SNX30: variants seen among roughly 807,000 people sequenced by gnomAD.
SNX30 encodes sorting nexin-30.
In SNX30, 24 loss-of-function variants were observed where a neutral mutation model predicts 46.4. The observed-to-expected ratio is 0.52, with a 90% CI of 0.37 to 0.73. The LOEUF (loss-of-function observed/expected upper bound fraction) is 0.73, where lower values mean the gene tolerates loss of function less well. SNX30 is among the 30% of genes least tolerant of loss of function. The probability of loss-of-function intolerance (pLI) is 0.00; values close to 1 mark genes in which losing one functional copy is unlikely to be tolerated. For synonymous variants in SNX30, 189 were observed against 211.5 expected, an observed-to-expected ratio of 0.89 and a Z score of 0.92; for missense variants, 533 against 555.7, an observed-to-expected ratio of 0.96 and a Z score of 0.41.
Position 112,868,991 on chromosome 9 carries a change from C to A in SNX30, c.*148C>A, listed in dbSNP as rs1841404126. On this transcript the variant is annotated 3_prime_UTR_variant, in exon 9 of 9. Transcript: ENST00000374232. The stretch of plus-strand genomic sequence containing the variant: ...GTATTTTTCCCTCCCCCACCTTTCA[C>A]CCCACAGTGGTTTTCAATTAGTATT... The A allele has an allele frequency of 2.7e-6, 2 of 753,796 alleles. No individual in the cohort carries two copies. The highest frequency in any genetic ancestry group is 2.2e-5 in the Admixed American group (1 of 46,188). 46.7% of individuals were successfully genotyped at this position (753,796 alleles called of 1,614,324 possible). A position where few individuals can be genotyped will look rare whatever the true frequency, so the allele number is the denominator to read the frequency against.
chr9:112,823,189 G>A (rs2131431841), intron 3 of SNX30, among the ~76,000 whole-genome samples: 2 of 152,296 alleles, frequency 1.3e-5, no homozygotes, highest in Middle Eastern at 6.8e-3. Context: ...TTATAGGTGT[G>A]TATATATAGG....
intron 1 of SNX30, among the ~76,000 whole-genome samples, chr9:112,793,796 T>G (rs1162267469): frequency 7.4e-6 from 1 of 135,612 alleles, no homozygotes; most frequent in Non-Finnish European, 1.6e-5. Context: ...TTACCTCCAC[T>G]GTTTTTTGTT....
chr9:112,812,079 A>G (rs1316493851), intron 2 of SNX30, among the ~76,000 whole-genome samples: 1 of 152,106 alleles, frequency 6.6e-6, no homozygotes, highest in Non-Finnish European at 1.5e-5. Context: ...GTGTTTTGCT[A>G]GCCTCATTCC....
intron 1 of SNX30, among the ~76,000 whole-genome samples, chr9:112,793,567 G>A (rs140122380): frequency 3.7e-4 from 56 of 152,220 alleles, no homozygotes; most frequent in African/African-American, 1.2e-3. Flanking sequence ...TCAAATTAGC[G>A]TGCGTGTAAA....
At chr9:112,832,481 T>TGA (rs1297626093) in intron 4 of SNX30, among the ~76,000 whole-genome samples, 12 of 128,588 alleles carry the variant, frequency 9.3e-5, no homozygotes, top group African/African-American at 1.4e-4. Context: ...TGTGTGTGTG[T>TGA]GTGTGTGTGT....
At chr9:112,824,960 A>G (rs367826607) in intron 3 of SNX30, among the ~76,000 whole-genome samples, 2 of 152,122 alleles carry the variant, frequency 1.3e-5, no homozygotes, top group Non-Finnish European at 2.9e-5. Flanking sequence ...ATTACCCCCA[A>G]AAGAAACTTT....
In SNX30 at chr9:112,838,505, T is replaced by C. The variant is rs1840802027; in HGVS notation, c.822T>C (p.Leu274=). The C allele has an allele frequency of 6.2e-7, 1 of 1,611,402 alleles. No individual in the cohort carries two copies. The highest frequency in any genetic ancestry group is 8.5e-7 in the Non-Finnish European group (1 of 1,178,316). Residue 274 remains leucine (L), a synonymous_variant, in exon 6 of 9, where the codon CTT becomes CTC. Transcript: ENST00000374232. ...TTTCTGTTCCCTGTTCAGAGTACCTTGTGGAGCTGAGAGAATACGGGCCTG... is the reference window on the plus strand; with the variant it reads ...TTTCTGTTCCCTGTTCAGAGTACCTCGTGGAGCTGAGAGAATACGGGCCTG... ...QRIIKEEIEY[L]VELREYGPVY...
rs1043233136 is a variant in SNX30, at chr9:112,750,793, C to CGGGCGCGGAGCGG, written c.-201_-189dup. On this transcript the variant is annotated 5_prime_UTR_variant, in exon 1 of 9. Transcript: ENST00000374232. ...GCTGCCAGCGGACCCGCGGCGGGCTCGGGCGCGGAGCGGGGGCGCGCGGCG... is the reference window on the plus strand; with the variant it reads ...GCTGCCAGCGGACCCGCGGCGGGCTCGGGCGCGGAGCGGGGGCGCGGAGCGGGGGCGCGCGGCG... 5.1e-6 allele frequency: 1 copy of CGGGCGCGGAGCGG among 196,044 alleles called. No individual in the cohort carries two copies. 12.1% of individuals were successfully genotyped at this position (196,044 alleles called of 1,614,324 possible).
intron 4 of SNX30, 44 bp downstream of exon 4, chr9:112,830,927 T>C (rs529594543): frequency 6.5e-7 from 1 of 1,543,924 alleles, no homozygotes; most frequent in South Asian, 1.3e-5. Flanking sequence ...ATTACCATTC[T>C]TGGGGCTCTT....
chr9:112,822,528 G>GCT (rs1840516780), intron 3 of SNX30, among the ~76,000 whole-genome samples: 1 of 103,432 alleles, frequency 9.7e-6, no homozygotes, highest in Non-Finnish European at 1.9e-5. Context: ...TTGTCCCTTT[G>GCT]CTGTTTTGTT....
chr9:112,851,094 TCCTATTTCTGC>T (rs1841017676), intron 7 of SNX30, 149 bp downstream of exon 7: 4 of 538,506 alleles, frequency 7.4e-6, no homozygotes, highest in Admixed American at 6.3e-5. Flanking sequence ...CCCTTTTCTG[TCCTATTTCTGC>T]GAGTTCCTAG....
intron 2 of SNX30, among the ~76,000 whole-genome samples, chr9:112,816,448 G>A (rs1287623464): frequency 6.6e-6 from 1 of 152,194 alleles, no homozygotes; most frequent in Non-Finnish European, 1.5e-5. Flanking sequence ...TACATTGAGT[G>A]AATTTCCCCA....
At chr9:112,754,111 G>A (rs1365543271) in intron 1 of SNX30, among the ~76,000 whole-genome samples, 2 of 152,204 alleles carry the variant, frequency 1.3e-5, no homozygotes, top group African/African-American at 4.8e-5. Flanking sequence ...ATGAAGGTTT[G>A]ACAGGCTGGT....
At chr9:112,879,694 G>C, downstream of SNX30, 1 of 1,465,718 alleles carries the variant, frequency 6.8e-7, no homozygotes, top group Non-Finnish European at 9.5e-7. Context: ...CCAGTTCCCT[G>C]GTCCCTTCTT....
At chr9:112,854,642 A>G (rs774255147) in intron 7 of SNX30, among the ~76,000 whole-genome samples, 1 of 152,154 alleles carries the variant, frequency 6.6e-6, no homozygotes, top group Non-Finnish European at 1.5e-5. Context: ...CAGTGAATGT[A>G]ATGTAACAGT....
At position 112,838,558 on chromosome 9, in the gene SNX30, G is replaced by A. The variant is rs1020023037; in HGVS notation, c.875G>A (p.Gly292Asp). 6.2e-7 allele frequency: 1 copy of A among 1,614,082 alleles called. No individual in the cohort carries two copies. Among genetic ancestry groups the A allele is most frequent in the Non-Finnish European group, 8.5e-7 (1 of 1,180,028 alleles). Residue 292 changes from glycine (G) to aspartate (D), a missense_variant, in exon 6 of 9, where the codon GGT (glycine) becomes GAT (aspartate). Transcript: ENST00000374232. ...PVYSTWSALE[G>D]ELAEPLEGVS... ...TACTCCACATGGAGCGCCTTGGAGG[G>A]TGAGCTGGCTGAACCCCTGGAGGGT...
At chr9:112,779,967 C>T (rs1257263494) in intron 1 of SNX30, among the ~76,000 whole-genome samples, 3 of 152,300 alleles carry the variant, frequency 2.0e-5, no homozygotes, top group South Asian at 2.1e-4. Flanking sequence ...GACATGTGCT[C>T]ATCTCAGGAT....
At chr9:112,857,813 T>C (rs10981532) in intron 7 of SNX30, among the ~76,000 whole-genome samples, 14,946 of 145,542 alleles carry the variant, frequency 0.1, 768 homozygotes, top group East Asian at 0.18. Flanking sequence ...TCCATCCATC[T>C]ATCTATTTAT....
intron 1 of SNX30, among the ~76,000 whole-genome samples, chr9:112,797,724 T>TTTTTTTTTTTG (rs796859174): frequency 6.7e-6 from 1 of 148,280 alleles, no homozygotes; most frequent in African/African-American, 2.5e-5. Flanking sequence ...TTTTTTTTTT[T>TTTTTTTTTTTG]TTTGAGATGG....
Sources: allele counts gnomAD v4.1 joint callset (sites outside exome capture counted in the v4.1 genomes callset), GRCh38; gene constraint gnomAD v4.1.1; transcripts MANE v1.5; gene names NCBI Gene and HGNC (gene_info 2026-07-23, HGNC 2026-07-21).